PDE10A: variants seen among roughly 807,000 people sequenced by gnomAD.
PDE10A encodes the protein cAMP and cAMP-inhibited cGMP 3',5'-cyclic phosphodiesterase 10A.
A neutral mutation model predicts 97.7 loss-of-function variants in PDE10A; 39 were observed. The observed-to-expected ratio is 0.40, with a 90% CI of 0.31 to 0.52. The LOEUF (loss-of-function observed/expected upper bound fraction) is 0.52. Among genes scored for constraint, PDE10A ranks in the 20% least tolerant of loss-of-function variants. PDE10A has a pLI of 0.56. For missense variants in PDE10A, 731 were observed against 1,047.8 expected (o/e 0.70, Z 4.17); for synonymous variants, 371 against 376.8 (o/e 0.98, Z 0.18).
At chr6:165,701,543 C>T (rs994055388) in intron 1 of PDE10A, among the ~76,000 whole-genome samples, 1 of 152,036 alleles carries the variant, frequency 6.6e-6, no homozygotes, top group African/African-American at 2.4e-5. Flanking sequence ...ATCAAAAAAG[C>T]CACAATCTGG....
At chr6:165,963,749 C>CTGGAAGGTGG (rs1457552991) in intron 1 of PDE10A, among the ~76,000 whole-genome samples, 37 of 152,240 alleles carry the variant, frequency 2.4e-4, no homozygotes, top group African/African-American at 8.4e-4. Flanking sequence ...TCCCCTCTTG[C>CTGGAAGGTGG]TGGAAGGTGG....
At chr6:165,680,982 G>A (rs917830625) in intron 1 of PDE10A, among the ~76,000 whole-genome samples, 5 of 152,156 alleles carry the variant, frequency 3.3e-5, no homozygotes, top group Non-Finnish European at 7.4e-5. Flanking sequence ...GCTTTTATGT[G>A]CTAATATCTT....
intron 1 of PDE10A, among the ~76,000 whole-genome samples, chr6:165,742,896 G>T (rs964028482): frequency 6.6e-6 from 1 of 152,214 alleles, no homozygotes; most frequent in Non-Finnish European, 1.5e-5. Flanking sequence ...GGTGAATTAA[G>T]TGATTTGTTC....
At chr6:165,652,014 C>T (rs1023881496) in intron 1 of PDE10A, among the ~76,000 whole-genome samples, 1 of 152,186 alleles carries the variant, frequency 6.6e-6, no homozygotes, top group African/African-American at 2.4e-5. Flanking sequence ...TACCTATCCA[C>T]ATGCCAGTAC....
intron 2 of PDE10A, among the ~76,000 whole-genome samples, chr6:165,498,808 T>C (rs1353522309): frequency 6.6e-6 from 1 of 152,162 alleles, no homozygotes; most frequent in East Asian, 1.9e-4. Context: ...TTTGAAAATG[T>C]TTTTGTTATT....
chr6:165,384,456 C>A (rs11754977), intron 17 of PDE10A, among the ~76,000 whole-genome samples: 7,576 of 152,258 alleles, frequency 0.05, 276 homozygotes, highest in Middle Eastern at 0.092. Context: ...ACCTTCTCTG[C>A]AGATGCTCTT....
chr6:165,464,617 A>C (rs1305155183), intron 3 of PDE10A, among the ~76,000 whole-genome samples: 1 of 152,204 alleles, frequency 6.6e-6, no homozygotes, highest in Non-Finnish European at 1.5e-5. Context: ...CCAAGAAAGA[A>C]CATTTCAACT....
intron 1 of PDE10A, among the ~76,000 whole-genome samples, chr6:165,856,333 T>G (rs2128475781): frequency 6.6e-6 from 1 of 152,296 alleles, no homozygotes; most frequent in Non-Finnish European, 1.5e-5. Flanking sequence ...TGCCTGACTC[T>G]ACGGTGTCAC....
rs191937439 is a variant in PDE10A at position 165,485,910 on chromosome 6, G to C, written c.995-3567C>G. On this transcript the variant is annotated intron_variant, in intron 2 of 21. Coordinates refer to ENST00000539869, the MANE Select transcript of PDE10A (RefSeq NM_001385079.1). ...CGCCCGGCGGAGAGCATCACTCTTAGTGGCTAACTGCGTTGCTGAAGCTAA... is the reference window on the plus strand; with the variant it reads ...CGCCCGGCGGAGAGCATCACTCTTACTGGCTAACTGCGTTGCTGAAGCTAA... Among the ~76,000 whole-genome samples the C allele has an allele frequency of 1.5e-3, 234 of 152,298 alleles. 1 individual carries two copies. Among genetic ancestry groups the C allele is most frequent in the African/African-American group, 5.3e-3 (220 of 41,568 alleles).
intron 1 of PDE10A, among the ~76,000 whole-genome samples, chr6:165,871,565 A>G (rs1159629589): frequency 1.3e-5 from 2 of 152,318 alleles, no homozygotes; most frequent in African/African-American, 4.8e-5. Context: ...TTTGAGGGAA[A>G]TATCTAGAGT....
intron 2 of PDE10A, among the ~76,000 whole-genome samples, chr6:165,532,783 ACACTTTC>A (rs930462295): frequency 6.6e-6 from 1 of 152,084 alleles, no homozygotes; most frequent in African/African-American, 2.4e-5. Context: ...CTCCAAGAAA[ACACTTTC>A]CAGTTTTCAT....
At chr6:165,556,434 C>T (rs1784259379) in intron 1 of PDE10A, among the ~76,000 whole-genome samples, 1 of 152,160 alleles carries the variant, frequency 6.6e-6, no homozygotes. Context: ...GGACACAGTT[C>T]CCTTCTTTGT....
At chr6:165,591,614 C>G (rs1786273746) in intron 1 of PDE10A, among the ~76,000 whole-genome samples, 1 of 152,228 alleles carries the variant, frequency 6.6e-6, no homozygotes, top group African/African-American at 2.4e-5. Context: ...AAGGCAATGT[C>G]AAGTTCACCT....
intron 1 of PDE10A, among the ~76,000 whole-genome samples, chr6:165,862,965 C>T (rs1205952851): frequency 6.6e-6 from 1 of 152,224 alleles, no homozygotes; most frequent in East Asian, 1.9e-4. Flanking sequence ...TAGGCATGAG[C>T]CACCACACCC....
chr6:165,366,874 T>A (rs1783805913), intron 18 of PDE10A, among the ~76,000 whole-genome samples: 1 of 152,146 alleles, frequency 6.6e-6, no homozygotes, highest in Non-Finnish European at 1.5e-5. Flanking sequence ...GCCACTAGGA[T>A]AAAAGTTAAT....
intron 17 of PDE10A, among the ~76,000 whole-genome samples, chr6:165,382,636 T>C (rs1257054104): frequency 1.3e-5 from 2 of 152,138 alleles, no homozygotes; most frequent in African/African-American, 4.8e-5. Context: ...GGGGATATAA[T>C]AAAAATAAAC....
At chr6:165,898,254 G>A (rs1459814850) in intron 1 of PDE10A, among the ~76,000 whole-genome samples, 1 of 152,130 alleles carries the variant, frequency 6.6e-6, no homozygotes. Context: ...AGTAGATTCT[G>A]TAGCAACTTC....
intron 1 of PDE10A, among the ~76,000 whole-genome samples, chr6:165,709,286 C>T (rs1791821157): frequency 7.0e-6 from 1 of 142,296 alleles, no homozygotes; most frequent in African/African-American, 2.6e-5. Context: ...TGTCCTCCCA[C>T]TCTCCCCACC....
chr6:165,909,565 A>G (rs976926118), intron 1 of PDE10A, among the ~76,000 whole-genome samples: 1 of 152,206 alleles, frequency 6.6e-6, no homozygotes, highest in African/African-American at 2.4e-5. Context: ...CAAGGCATTC[A>G]TAGCAGAGTT....
Sources: gnomAD v4.1 joint callset for allele counts (sites outside exome capture counted in the v4.1 genomes callset) on GRCh38, gnomAD v4.1.1 for gene constraint, MANE v1.5 for transcripts, NCBI Gene and HGNC (gene_info 2026-07-23, HGNC 2026-07-21) for gene names.